The following SRD5A2 variants were observed in gnomAD, a reference collection of about 807,000 sequenced individuals.
SRD5A2 encodes steroid 5 alpha-reductase 2, also known as 3-oxo-5-alpha-steroid 4-dehydrogenase 2.
Under a neutral mutation model 27.4 loss-of-function variants are expected in SRD5A2, and 30 were observed. The ratio of observed to expected loss-of-function variants is 1.10; its 90% CI spans 0.82 to 1.49. The LOEUF is 1.49. Ranked by LOEUF, SRD5A2 falls within the 40% of genes most tolerant of loss-of-function variation. The pLI, the probability that SRD5A2 is intolerant of heterozygous loss-of-function variation, is 0.00. For synonymous variants in SRD5A2, 141 were observed against 133.6 expected (o/e 1.06, Z -0.38); for missense variants, 348 against 323.4 (o/e 1.08, Z -0.58).
the SRD5A2 span, among the ~76,000 whole-genome samples, chr2:31,606,802 G>T: frequency 5.9e-5 from 9 of 151,900 alleles, no homozygotes; most frequent in African/African-American, 2.2e-4. Context: ...GCTTGCTAAG[G>T]CTGCTGTAAC....
chr2:31,541,582 T>A (rs943740700), intron 1 of SRD5A2, among the ~76,000 whole-genome samples: 13 of 152,038 alleles, frequency 8.6e-5, no homozygotes, highest in Non-Finnish European at 1.8e-4. Context: ...TAACAAACTA[T>A]CTACACACAC....
the SRD5A2 span, among the ~76,000 whole-genome samples, chr2:31,611,106 C>A: frequency 2.6e-5 from 4 of 151,920 alleles, no homozygotes; most frequent in Non-Finnish European, 5.9e-5. Context: ...AAGACTCCAT[C>A]TAAAAAAATA....
At chr2:31,654,083 T>TAAA in the SRD5A2 span, among the ~76,000 whole-genome samples, 6 of 135,080 alleles carry the variant, frequency 4.4e-5, no homozygotes, top group African/African-American at 1.4e-4. Context: ...TAAAGAAAGT[T>TAAA]AAAAAAAAAA....
At chr2:31,597,345 C>G in the SRD5A2 span, among the ~76,000 whole-genome samples, 2 of 151,438 alleles carry the variant, frequency 1.3e-5, no homozygotes, top group African/African-American at 4.8e-5. Context: ...AAACTTAATT[C>G]AAAGATCAGA....
the SRD5A2 span, among the ~76,000 whole-genome samples, chr2:31,641,112 G>A: frequency 6.6e-6 from 1 of 151,968 alleles, no homozygotes; most frequent in African/African-American, 2.4e-5. Context: ...GGTTGTTGTT[G>A]GTAAAAATCT....
At chr2:31,593,634 A>G in the SRD5A2 span, among the ~76,000 whole-genome samples, 1 of 152,256 alleles carries the variant, frequency 6.6e-6, no homozygotes, top group African/African-American at 2.4e-5. Flanking sequence ...TGAGGGAGCA[A>G]TTGAGGAAAA....
In SRD5A2 at chr2:31,544,073, T is replaced by A. The variant is rs532286950; in HGVS notation, c.282-10307A>T. 3.6e-4 allele frequency among the ~76,000 whole-genome samples: 54 copies of A among 152,098 alleles called. 1 individual carries two copies. The highest frequency in any genetic ancestry group is 3.4e-3 in the Middle Eastern group (1 of 294). ...AGGCAAAATGGACTTTAAATTTTTT[T>A]AAAAATGGTTACAAGAAACAAAAAA... On this transcript the variant is annotated intron_variant, in intron 1 of 4. Coordinates refer to ENST00000622030, the MANE Select transcript of SRD5A2 (RefSeq NM_000348.4).
At chr2:31,553,950 A>G (rs990115598) in intron 1 of SRD5A2, among the ~76,000 whole-genome samples, 11 of 152,190 alleles carry the variant, frequency 7.2e-5, no homozygotes, top group Non-Finnish European at 1.3e-4. Flanking sequence ...TTTTGATAAG[A>G]GAACTGAAAA....
the SRD5A2 span, among the ~76,000 whole-genome samples, chr2:31,587,228 G>A: frequency 6.6e-6 from 1 of 152,162 alleles, no homozygotes; most frequent in Non-Finnish European, 1.5e-5. Flanking sequence ...CCGTTAGAAT[G>A]CTGATCATTA....
At chr2:31,583,663 CA>C (rs796349594), upstream of SRD5A2, among the ~76,000 whole-genome samples, 4 of 97,218 alleles carry the variant, frequency 4.1e-5, no homozygotes, top group Admixed American at 1.0e-4. Flanking sequence ...AAAAAAAAAG[CA>C]AAAAAAAAAA....
At chr2:31,614,611 T>C in the SRD5A2 span, among the ~76,000 whole-genome samples, 2 of 152,198 alleles carry the variant, frequency 1.3e-5, no homozygotes, top group Non-Finnish European at 2.9e-5. Context: ...AGGACTCTTG[T>C]GTGGGGGCTT....
chr2:31,541,946 C>A (rs965867472), intron 1 of SRD5A2, among the ~76,000 whole-genome samples: 6 of 152,222 alleles, frequency 3.9e-5, no homozygotes, highest in Admixed American at 1.3e-4. Flanking sequence ...TGAATTTTCA[C>A]AAGACTTACC....
chr2:31,618,315 C>T, the SRD5A2 span, among the ~76,000 whole-genome samples: 1 of 152,084 alleles, frequency 6.6e-6, no homozygotes, highest in East Asian at 1.9e-4. Context: ...TGGGTGGGAA[C>T]ACAGCCAAAC....
At chr2:31,556,531 C>T (rs992076288) in intron 1 of SRD5A2, among the ~76,000 whole-genome samples, 2 of 151,958 alleles carry the variant, frequency 1.3e-5, no homozygotes, top group African/African-American at 4.8e-5. Flanking sequence ...GATTCTTATA[C>T]AAGAAATACC....
chr2:31,596,791 C>T, the SRD5A2 span, among the ~76,000 whole-genome samples: 207 of 152,038 alleles, frequency 1.4e-3, no homozygotes, highest in Non-Finnish European at 2.3e-3. Context: ...GAACCAAGGA[C>T]GTGAAAGACC....
At position 31,523,355 on chromosome 2, in the gene SRD5A2, C is replaced by T. The variant is rs1205592981; in HGVS notation, c.*2841G>A. ...TGGCTATTTTTCTCCTGCATGAGCT[C>T]TGTAGAAATCCAGATGGCAGCCCTA... is the stretch of plus-strand genomic sequence containing the variant. On this transcript the variant is annotated 3_prime_UTR_variant, in exon 5 of 5. Coordinates refer to ENST00000622030, the MANE Select transcript of SRD5A2 (RefSeq NM_000348.4). The T allele has an allele frequency of 1.4e-5, 3 of 213,942 alleles. No homozygotes were observed. 13.3% of individuals were successfully genotyped at this position (213,942 alleles called of 1,614,324 possible).
chr2:31,613,380 A>C, the SRD5A2 span, among the ~76,000 whole-genome samples: 1 of 152,232 alleles, frequency 6.6e-6, no homozygotes, highest in East Asian at 1.9e-4. Flanking sequence ...TCTCAAAAGA[A>C]GAGATATGAA....
chr2:31,600,748 A>G, the SRD5A2 span, among the ~76,000 whole-genome samples: 2 of 151,920 alleles, frequency 1.3e-5, no homozygotes, highest in African/African-American at 4.8e-5. Flanking sequence ...CCAGACAAAT[A>G]TGAATCAAAA....
At chr2:31,642,818 A>G in the SRD5A2 span, among the ~76,000 whole-genome samples, 1 of 152,044 alleles carries the variant, frequency 6.6e-6, no homozygotes, top group Non-Finnish European at 1.5e-5. Context: ...ATATTCCAAC[A>G]ACTTAGCCAA....
Sources: allele counts gnomAD v4.1 joint callset (sites outside exome capture counted in the v4.1 genomes callset), GRCh38; gene constraint gnomAD v4.1.1; transcripts MANE v1.5; gene names NCBI Gene and HGNC (gene_info 2026-07-23, HGNC 2026-07-21).